SLC4A4: variants seen among roughly 807,000 people sequenced by gnomAD.
The protein encoded by SLC4A4 is solute carrier family 4 member 4.
Under a neutral mutation model 111.5 loss-of-function variants are expected in SLC4A4, and 27 were observed. The ratio of observed to expected loss-of-function variants is 0.24; its 90% confidence interval spans 0.18 to 0.33. The LOEUF is 0.33. Ranked by LOEUF, SLC4A4 falls within the 10% of genes least tolerant of loss-of-function variation. SLC4A4 has a pLI of 1.00. For missense variants in SLC4A4, 909 were observed against 1,315.5 expected (o/e 0.69, Z 4.78); for synonymous variants, 443 against 463.4 (o/e 0.96, Z 0.57).
chr4:71,472,826 G>A lies in SLC4A4; in HGVS notation c.1759G>A (p.Gly587Ser). 1 of 1,612,752 alleles carries A rather than the reference G, an allele frequency of 6.2e-7. No individual in the cohort carries two copies. The highest frequency in any genetic ancestry group is 8.5e-7 in the Non-Finnish European group (1 of 1,179,336). Reference sequence around the variant, plus strand: ...ATACTTCACACGTTTCACGGAGGAGGGCTTTTCCTCTCTGATTAGCTTCAT... The same window carrying A: ...ATACTTCACACGTTTCACGGAGGAGAGCTTTTCCTCTCTGATTAGCTTCAT... ...VQYFTRFTEE[G>S]FSSLISFIFI... Residue 587 changes from glycine (G) to serine (S), a missense_variant, in exon 14 of 26, where the codon GGC becomes AGC. Around this residue, in one of 7 missense-constraint regions of SLC4A4, gnomAD observed 264 missense variants for 356.8 expected, o/e 0.74. Transcript: ENST00000264485.
At chr4:71,087,772 G>T (rs1742231289) in intron 1 of SLC4A4, among the ~76,000 whole-genome samples, 1 of 152,074 alleles carries the variant, frequency 6.6e-6, no homozygotes, top group African/African-American at 2.4e-5. Context: ...CTGAGAGACT[G>T]TTTGTTATAA....
chr4:71,344,660 C>T (rs904766850), intron 4 of SLC4A4, among the ~76,000 whole-genome samples: 3 of 152,112 alleles, frequency 2.0e-5, no homozygotes, highest in African/African-American at 7.2e-5. Context: ...ATCTACAGCC[C>T]ACAGAACTCA....
At chr4:71,462,670 A>T (rs547768217) in intron 12 of SLC4A4, among the ~76,000 whole-genome samples, 1 of 152,074 alleles carries the variant, frequency 6.6e-6, no homozygotes, top group East Asian at 1.9e-4. Flanking sequence ...GAGCCTCCCA[A>T]AGTGCTGGGA....
intron 16 of SLC4A4, among the ~76,000 whole-genome samples, chr4:71,510,630 A>G (rs951828106): frequency 6.6e-6 from 1 of 152,094 alleles, no homozygotes; most frequent in Admixed American, 6.6e-5. Flanking sequence ...AGTCTCTTTT[A>G]GGCAGCATAT....
intron 2 of SLC4A4, among the ~76,000 whole-genome samples, chr4:71,147,350 C>T (rs1744203599): frequency 6.6e-6 from 1 of 152,124 alleles, no homozygotes; most frequent in African/African-American, 2.4e-5. Flanking sequence ...TTCTTTTCAT[C>T]CTCCTCACCT....
chr4:71,267,869 A>G (rs4604027), intron 3 of SLC4A4, among the ~76,000 whole-genome samples: 131,615 of 148,942 alleles, frequency 0.88, 59,971 homozygotes, highest in Non-Finnish European at 0.99. Context: ...ATTAAATGCC[A>G]TGATAAAAGC....
At chr4:71,283,769 T>G (rs1395943001) in intron 3 of SLC4A4, among the ~76,000 whole-genome samples, 1 of 152,234 alleles carries the variant, frequency 6.6e-6, no homozygotes, top group Non-Finnish European at 1.5e-5. Context: ...TGGTTTTGCA[T>G]GTGTTCCAGA....
At chr4:71,421,142 T>C (rs1722436924) in intron 7 of SLC4A4, among the ~76,000 whole-genome samples, 1 of 151,084 alleles carries the variant, frequency 6.6e-6, no homozygotes, top group South Asian at 2.1e-4. Context: ...TGGAGGAAGA[T>C]CTACCAAGCA....
chr4:71,552,333 G>T (rs1736065476), intron 20 of SLC4A4, among the ~76,000 whole-genome samples: 1 of 151,408 alleles, frequency 6.6e-6, no homozygotes, highest in African/African-American at 2.4e-5. Context: ...TCTCGTTCTG[G>T]ATTGTACATT....
At chr4:71,118,444 G>T (rs1459617307) in intron 2 of SLC4A4, among the ~76,000 whole-genome samples, 2 of 152,004 alleles carry the variant, frequency 1.3e-5, no homozygotes, top group Non-Finnish European at 2.9e-5. Context: ...TATTACTATT[G>T]TTATATTATG....
intron 2 of SLC4A4, among the ~76,000 whole-genome samples, chr4:71,178,360 C>G (rs911290692): frequency 6.6e-6 from 1 of 151,166 alleles, no homozygotes; most frequent in Non-Finnish European, 1.5e-5. Context: ...AAGATCAGAG[C>G]AGAAATGAAG....
intron 12 of SLC4A4, among the ~76,000 whole-genome samples, chr4:71,461,763 C>T (rs1577961940): frequency 1.3e-5 from 2 of 152,076 alleles, no homozygotes; most frequent in Admixed American, 1.3e-4. Context: ...GGGCCAAACA[C>T]GGGCCATCCT....
chr4:71,263,254 C>CTTAA (rs1722000808), intron 3 of SLC4A4, among the ~76,000 whole-genome samples: 1 of 152,096 alleles, frequency 6.6e-6, no homozygotes, highest in Admixed American at 6.6e-5. Flanking sequence ...GCAAGGCCAC[C>CTTAA]TTAAGTTCAT....
At chr4:71,311,389 A>G (rs1206820531) in intron 3 of SLC4A4, among the ~76,000 whole-genome samples, 1 of 152,212 alleles carries the variant, frequency 6.6e-6, no homozygotes, top group East Asian at 1.9e-4. Flanking sequence ...AACAGAATAT[A>G]CATTCTTCTG....
chr4:71,532,912 C>G (rs1366975211), intron 17 of SLC4A4, among the ~76,000 whole-genome samples: 1 of 152,030 alleles, frequency 6.6e-6, no homozygotes, highest in African/African-American at 2.4e-5. Flanking sequence ...GTAATTATTA[C>G]AAAGTAGATA....
intron 1 of SLC4A4, among the ~76,000 whole-genome samples, chr4:71,085,333 A>T (rs1379340869): frequency 6.6e-6 from 1 of 151,890 alleles, no homozygotes; most frequent in Admixed American, 6.6e-5. Context: ...GGGTTGCAAA[A>T]ATTTTCTCCC....
intron 7 of SLC4A4, among the ~76,000 whole-genome samples, chr4:71,399,641 C>G (rs1441983140): frequency 1.3e-5 from 2 of 151,768 alleles, no homozygotes; most frequent in African/African-American, 2.4e-5. Context: ...CATTTTTCTA[C>G]TCTAGATTAA....
chr4:71,076,015 C>T (rs191301578), intron 1 of SLC4A4, among the ~76,000 whole-genome samples: 3,013 of 147,332 alleles, frequency 0.02, 63 homozygotes, highest in African/African-American at 0.046. Flanking sequence ...ATAGCAATCC[C>T]GTCAACCTGC....
At chr4:71,369,909 A>T (rs1317880303) in intron 6 of SLC4A4, among the ~76,000 whole-genome samples, 1 of 152,224 alleles carries the variant, frequency 6.6e-6, no homozygotes. Flanking sequence ...TAAAATGATA[A>T]GTGAAATGAA....
Sources: allele counts gnomAD v4.1 joint callset (sites outside exome capture counted in the v4.1 genomes callset), GRCh38; gene constraint gnomAD v4.1.1; regional missense constraint gnomAD v4.1.1; transcripts MANE v1.5; gene names NCBI Gene and HGNC (gene_info 2026-07-23, HGNC 2026-07-21).